Variants in DOK6 observed in about 807,000 individuals in gnomAD.
DOK6 encodes docking protein 6.
DOK6 carries 22 observed loss-of-function variants against 44.0 expected under a neutral mutation model. The observed-to-expected ratio is 0.50, with a 90% CI of 0.36 to 0.71. The LOEUF is 0.71. Ranked by LOEUF, DOK6 falls within the 30% of genes least tolerant of loss-of-function variation. The pLI, the probability that DOK6 is intolerant of heterozygous loss-of-function variation, is 0.00. For synonymous variants in DOK6, 166 were observed against 145.5 expected (o/e 1.14, Z -1.01); for missense variants, 340 against 416.4 (o/e 0.82, Z 1.60).
intron 3 of DOK6, among the ~76,000 whole-genome samples, chr18:69,608,966 T>A (rs773099997): frequency 1.2e-5 from 1 of 81,986 alleles, no homozygotes; most frequent in Non-Finnish European, 3.0e-5. Flanking sequence ...AAAAAAAAAC[T>A]TTCACTTAAC....
chr18:69,426,294 T>C (rs1978633578), intron 1 of DOK6, among the ~76,000 whole-genome samples: 1 of 152,186 alleles, frequency 6.6e-6, no homozygotes, highest in East Asian at 1.9e-4. Flanking sequence ...GTCCAGGATC[T>C]TCCTAATCCT....
chr18:69,661,707 T>A (rs1313039465), intron 3 of DOK6: 2 of 152,256 alleles, frequency 1.3e-5, no homozygotes, highest in African/African-American at 4.8e-5. Context: ...CCACCTAAAA[T>A]AATTCTTCAT....
At chr18:69,597,430 G>A (rs1443426769) in intron 2 of DOK6, among the ~76,000 whole-genome samples, 2 of 152,122 alleles carry the variant, frequency 1.3e-5, no homozygotes, top group East Asian at 1.9e-4. Flanking sequence ...GCTCTTTAAA[G>A]ATATCTGATT....
At chr18:69,820,900 G>A (rs1981549079) in intron 7 of DOK6, among the ~76,000 whole-genome samples, 1 of 152,106 alleles carries the variant, frequency 6.6e-6, no homozygotes. Context: ...TAGAAGGATA[G>A]AGGGTGGGAG....
chr18:69,757,399 T>C (rs907781705), intron 6 of DOK6, among the ~76,000 whole-genome samples: 7 of 152,244 alleles, frequency 4.6e-5, no homozygotes, highest in Admixed American at 3.9e-4. Flanking sequence ...TGTGGAAAGC[T>C]GAGAGTAATG....
At chr18:69,550,777 C>CTTTTTTT (rs10538639) in intron 1 of DOK6, among the ~76,000 whole-genome samples, 14 of 121,428 alleles carry the variant, frequency 1.2e-4, no homozygotes, top group African/African-American at 3.0e-4. Flanking sequence ...TTGTTTCTTT[C>CTTTTTTT]TTTTTTTTTT....
At chr18:69,488,221 G>A (rs150169226) in intron 1 of DOK6, among the ~76,000 whole-genome samples, 3 of 152,024 alleles carry the variant, frequency 2.0e-5, no homozygotes, top group Non-Finnish European at 2.9e-5. Context: ...CATAATGAAG[G>A]CCCCAACCTC....
At chr18:69,526,351 A>T (rs1486455421) in intron 1 of DOK6, among the ~76,000 whole-genome samples, 4 of 151,948 alleles carry the variant, frequency 2.6e-5, no homozygotes, top group South Asian at 4.2e-4. Context: ...TTTATAACTG[A>T]CTCCTTTCAC....
chr18:69,749,694 A>C (rs1401414183), intron 6 of DOK6, among the ~76,000 whole-genome samples: 1 of 152,032 alleles, frequency 6.6e-6, no homozygotes, highest in Non-Finnish European at 1.5e-5. Context: ...TAATCCCAGC[A>C]CTCTAGGAGG....
At chr18:69,627,448 T>C (rs912169134) in intron 3 of DOK6, among the ~76,000 whole-genome samples, 14 of 152,042 alleles carry the variant, frequency 9.2e-5, no homozygotes, top group African/African-American at 3.1e-4. Flanking sequence ...TATTTTTATT[T>C]TATTTATTTA....
intron 1 of DOK6, among the ~76,000 whole-genome samples, chr18:69,553,874 C>G (rs1235358445): frequency 6.6e-6 from 1 of 152,112 alleles, no homozygotes; most frequent in Non-Finnish European, 1.5e-5. Flanking sequence ...TGTTTGATGT[C>G]CACCTGCTCC....
intron 4 of DOK6, among the ~76,000 whole-genome samples, chr18:69,682,226 A>C (rs1222339207): frequency 2.0e-5 from 3 of 152,246 alleles, no homozygotes; most frequent in African/African-American, 7.2e-5. Context: ...GAACTAAACA[A>C]GAAATGTAAA....
intron 6 of DOK6, among the ~76,000 whole-genome samples, chr18:69,746,414 C>T (rs1456127911): frequency 2.0e-5 from 3 of 152,108 alleles, no homozygotes; most frequent in Non-Finnish European, 2.9e-5. Context: ...CATGCCGTCA[C>T]GCCTGGCTAA....
At chr18:69,805,253 T>G (rs990178523) in intron 7 of DOK6, among the ~76,000 whole-genome samples, 9 of 152,156 alleles carry the variant, frequency 5.9e-5, no homozygotes, top group African/African-American at 2.2e-4. Flanking sequence ...AAGAAAGTTT[T>G]TTTATCTCAA....
Position 69,827,797 on chromosome 18 carries a change from T to G in DOK6, c.857-13447T>G, listed in dbSNP as rs139318018. On this transcript the variant is annotated intron_variant, in intron 7 of 7. Transcript: ENST00000382713. ...ATTCAATAATTTTGTCTATACTATT[T>G]CTTTTGTAACAAATCTTTAAGTATA... Among the ~76,000 whole-genome samples the G allele has an allele frequency of 3.3e-3, 502 of 152,110 alleles. 4 individuals are homozygous for G. The highest frequency in any genetic ancestry group is 0.011 in the African/African-American group (449 of 41,568).
At chr18:69,560,264 C>T (rs1406461022) in intron 1 of DOK6, among the ~76,000 whole-genome samples, 2 of 152,104 alleles carry the variant, frequency 1.3e-5, no homozygotes, top group African/African-American at 2.4e-5. Flanking sequence ...TGTTTTTAGG[C>T]ATTACAATAT....
At chr18:69,455,353 G>A (rs556159478) in intron 1 of DOK6, among the ~76,000 whole-genome samples, 6 of 152,178 alleles carry the variant, frequency 3.9e-5, no homozygotes, top group African/African-American at 1.4e-4. Context: ...AAGGTCAAAA[G>A]CCACTTGACC....
intron 3 of DOK6, among the ~76,000 whole-genome samples, chr18:69,622,906 T>C (rs1258913238): frequency 3.9e-5 from 6 of 152,210 alleles, no homozygotes; most frequent in Non-Finnish European, 8.8e-5. Context: ...CATTCCTGAA[T>C]CACACGGAAG....
rs148968598 is a variant in DOK6, at chr18:69,406,662, C to T, written c.66+5352C>T. Among the ~76,000 whole-genome samples the T allele has an allele frequency of 1.2e-3, 179 of 152,270 alleles. 1 individual carries two copies. The highest frequency in any genetic ancestry group is 4.1e-3 in the African/African-American group (172 of 41,542). ...ATGACTGAAATTAATAGATAGTGAG[C>T]AGGGAAGTGCTACAGTGGTCAAATA... On this transcript the variant is annotated intron_variant, in intron 1 of 7. Transcript: ENST00000382713.
Sources: allele counts gnomAD v4.1 joint callset (sites outside exome capture counted in the v4.1 genomes callset), GRCh38; gene constraint gnomAD v4.1.1; transcripts MANE v1.5; gene names NCBI Gene and HGNC (gene_info 2026-07-23, HGNC 2026-07-21).